Variants in ARHGEF11 observed in about 807,000 individuals in gnomAD.
The protein encoded by ARHGEF11 is Rho guanine exchange factor (GEF) 11.
In ARHGEF11, 55 loss-of-function variants were observed where a neutral mutation model predicts 193.7. That is an observed-to-expected ratio of 0.28 (90% CI 0.23 to 0.36). ARHGEF11 has a LOEUF of 0.36. ARHGEF11 is among the 10% of genes least tolerant of loss of function. The pLI is 1.00. For synonymous variants in ARHGEF11, 693 were observed against 768.0 expected, an observed-to-expected ratio of 0.90 and a Z score of 1.62; for missense variants, 1,723 against 2,005.6, an observed-to-expected ratio of 0.86 and a Z score of 2.69.
intron 1 of ARHGEF11, among the ~76,000 whole-genome samples, chr1:157,020,964 T>A (rs921950081): frequency 6.6e-6 from 1 of 152,214 alleles, no homozygotes; most frequent in African/African-American, 2.4e-5. Context: ...CCCCACCCAC[T>A]CTTCCAAGCT....
chr1:156,947,545 T>G, intron 25 of ARHGEF11, 95 bp from the exon 26 acceptor site: 2 of 1,426,256 alleles, frequency 1.4e-6, no homozygotes, highest in Non-Finnish European at 9.3e-7. Context: ...CACCACTCTA[T>G]TTTTGGGGGA....
At chr1:157,046,218 C>T (rs1322427091), upstream of ARHGEF11, among the ~76,000 whole-genome samples, 11 of 150,214 alleles carry the variant, frequency 7.3e-5, no homozygotes, top group African/African-American at 2.4e-4. Context: ...AGGCACCGCG[C>T]GCCGTCCCCG....
At position 157,004,613 on chromosome 1, in the gene ARHGEF11, C is replaced by T. The variant is rs148008089; in HGVS notation, c.33-18440G>A. 6.2e-3 allele frequency among the ~76,000 whole-genome samples: 951 copies of T among 152,330 alleles called. 10 individuals are homozygous for T. Among genetic ancestry groups the T allele is most frequent in the African/African-American group, 0.021 (885 of 41,576 alleles). The stretch of plus-strand genomic sequence containing the variant: ...GATGCAATGGGAATTTCCATCCTTT[C>T]TCTCTTCCAGCCCCCATTCCATTTC... On this transcript the variant is annotated intron_variant, in intron 1 of 40. Transcript: ENST00000368194.
intron 38 of ARHGEF11, among the ~76,000 whole-genome samples, chr1:156,938,038 G>C (rs940778847): frequency 6.6e-6 from 1 of 152,230 alleles, no homozygotes; most frequent in Non-Finnish European, 1.5e-5. Flanking sequence ...CGGAATCTGG[G>C]AGGCTCTTTC....
At position 156,940,084 on chromosome 1, in the gene ARHGEF11, C is replaced by G. The variant is rs924145890; in HGVS notation, c.3733+123G>C. 2.2e-5 allele frequency: 31 copies of G among 1,401,484 alleles called. No individual in the cohort carries two copies. The East Asian group carries it at 7.1e-4, about 32-fold the overall frequency. The allele number at this position is 1,401,484 out of a possible 1,614,324, so 86.8% of individuals were successfully genotyped here. A position where few individuals can be genotyped will look rare whatever the true frequency, so the allele number is the denominator to read the frequency against. The stretch of plus-strand genomic sequence containing the variant: ...TGGGGAATGACATCTGTCTCCGCAT[C>G]CATCTCTCCTCAAGCACACCAGGAA... On this transcript the variant is annotated intron_variant, in intron 36 of 40. Transcript: ENST00000368194.
chr1:156,949,102 G>A, intron 22 of ARHGEF11: 1 of 985,388 alleles, frequency 1.0e-6, no homozygotes, highest in Non-Finnish European at 1.2e-6. Context: ...ATGTGGATGA[G>A]TTCCATTCTT....
chr1:156,947,174 C>G (rs1658298812), intron 26 of ARHGEF11, 130 bp downstream of exon 26: 4 of 1,483,788 alleles, frequency 2.7e-6, no homozygotes, highest in Non-Finnish European at 3.7e-6. Flanking sequence ...TCAGGCTGTC[C>G]ACAGATCTTT....
chr1:156,937,093 AGG>A, intron 39 of ARHGEF11, 88 bp from the exon 40 acceptor site: 1 of 1,566,460 alleles, frequency 6.4e-7, no homozygotes, highest in South Asian at 1.2e-5. Context: ...CTTGGGGAGG[AGG>A]GTGTGATTTA....
intron 7 of ARHGEF11, among the ~76,000 whole-genome samples, chr1:156,973,641 C>G (rs1662840226): frequency 6.6e-6 from 1 of 152,132 alleles, no homozygotes; most frequent in Non-Finnish European, 1.5e-5. Flanking sequence ...ATACCCAAAG[C>G]TGACCTTCAT....
chr1:157,013,171 A>G (rs1571496680), intron 1 of ARHGEF11, among the ~76,000 whole-genome samples: 1 of 151,618 alleles, frequency 6.6e-6, no homozygotes, highest in South Asian at 2.1e-4. Context: ...TCTATTGTAT[A>G]GAAATCTGGT....
In ARHGEF11 at chr1:156,937,234, C is replaced by A. The variant is rs201991512; in HGVS notation, c.4440+15G>T. Reference sequence around the variant, plus strand: ...GACTGAAGGCCTGCAGGGACCCAAGCCCTGCTTCCCTCACCTTGAGCCTGT... The same window carrying A: ...GACTGAAGGCCTGCAGGGACCCAAGACCTGCTTCCCTCACCTTGAGCCTGT... On this transcript the variant is annotated intron_variant, in intron 39 of 40. Coordinates refer to ENST00000368194, the MANE Select transcript of ARHGEF11 (RefSeq NM_198236.3). 1 of 1,613,618 alleles carries A rather than the reference C, an allele frequency of 6.2e-7. No individual in the cohort carries two copies. Among genetic ancestry groups the A allele is most frequent in the Non-Finnish European group, 8.5e-7 (1 of 1,179,838 alleles).
chr1:156,961,118 C>A (rs1254714054), intron 14 of ARHGEF11, among the ~76,000 whole-genome samples: 1 of 152,258 alleles, frequency 6.6e-6, no homozygotes, highest in Non-Finnish European at 1.5e-5. Context: ...ATTAGAAAGT[C>A]TGGGATGGCG....
In ARHGEF11 at chr1:156,965,893, C is replaced by A. The variant is rs796889519; in HGVS notation, c.963+2094G>T. ...TAAGAGCTCTGTGTCCTGGATAAGT[C>A]CTCCCCTAAGATGCCACTCAGAAGA... On this transcript the variant is annotated intron_variant, in intron 11 of 40. Coordinates refer to ENST00000368194, the MANE Select transcript of ARHGEF11 (RefSeq NM_198236.3). 1.7e-4 allele frequency among the ~76,000 whole-genome samples: 26 copies of A among 152,288 alleles called. 1 individual carries two copies. Among genetic ancestry groups the A allele is most frequent in the African/African-American group, 6.3e-4 (26 of 41,556 alleles).
At chr1:156,968,715 C>T (rs755328096) in intron 10 of ARHGEF11, among the ~76,000 whole-genome samples, 1 of 152,232 alleles carries the variant, frequency 6.6e-6, no homozygotes, top group Non-Finnish European at 1.5e-5. Context: ...ATTACTACTT[C>T]TTCCATTCAT....
At chr1:156,983,235 G>GTTTTTT (rs1664444495) in intron 3 of ARHGEF11, among the ~76,000 whole-genome samples, 1 of 149,020 alleles carries the variant, frequency 6.7e-6, no homozygotes, top group African/African-American at 2.5e-5. Context: ...TTTGTTTTTT[G>GTTTTTT]TTTTTGAGAC....
rs753788298 is a variant in ARHGEF11, at chr1:156,939,596, C to T, written c.4048G>A (p.Asp1350Asn). The T allele has an allele frequency of 5.6e-6, 9 of 1,613,218 alleles. No individual in the cohort carries two copies. The highest frequency in any genetic ancestry group is 7.6e-6 in the Non-Finnish European group (9 of 1,180,038). The change falls in exon 37 of 41, where the codon GAT becomes AAT. Residue 1350 changes from aspartate to asparagine, a missense_variant. Around this residue, in one of 5 missense-constraint regions of ARHGEF11, gnomAD observed 360 missense variants for 344.4 expected, o/e 1.05. Transcript: ENST00000368194. ...CCTGCTGCCTCTGTGCTTGAAGCAT[C>T]TTCAGCCAGATTCCTGTCCAGTTCT... ...SPELDRNLAE[D>N]ASSTEAAGGY...
chr1:156,935,855 C>G lies in ARHGEF11; in HGVS notation c.*145G>C. ...AGCAGACCAAGCAACATGCGGGTCT[C>G]CCCCCGGGCCTTGGCTGGATCCTAG... On this transcript the variant is annotated 3_prime_UTR_variant, in exon 41 of 41. Transcript: ENST00000368194. 1 of 892,530 alleles carries G rather than the reference C, an allele frequency of 1.1e-6. No individual in the cohort carries two copies. The highest frequency in any genetic ancestry group is 2.7e-5 in the East Asian group (1 of 36,726). The allele number at this position is 892,530 out of a possible 1,614,324, so 55.3% of individuals were successfully genotyped here. A position where few individuals can be genotyped will look rare whatever the true frequency, so the allele number is the denominator to read the frequency against.
chr1:156,995,869 C>T (rs1485858758), intron 1 of ARHGEF11, among the ~76,000 whole-genome samples: 1 of 152,048 alleles, frequency 6.6e-6, no homozygotes, highest in African/African-American at 2.4e-5. Flanking sequence ...AAAATGTCTG[C>T]TCTTTTCCCA....
intron 1 of ARHGEF11, among the ~76,000 whole-genome samples, chr1:157,004,676 A>C (rs1325630048): frequency 2.0e-5 from 3 of 152,196 alleles, no homozygotes; most frequent in Admixed American, 6.5e-5. Flanking sequence ...GGAGGAAAGA[A>C]GCCATCTCAT....
Sources: allele counts gnomAD v4.1 joint callset (sites outside exome capture counted in the v4.1 genomes callset), GRCh38; gene constraint gnomAD v4.1.1; regional missense constraint gnomAD v4.1.1; transcripts MANE v1.5; gene names NCBI Gene and HGNC (gene_info 2026-07-23, HGNC 2026-07-21).